Variants in VIM observed in about 807,000 individuals in gnomAD.
The protein encoded by VIM is vimentin, also known as epididymis secretory sperm binding protein.
In VIM, 18 loss-of-function variants were observed where a neutral mutation model predicts 50.3. That is an observed-to-expected ratio of 0.36 (90% CI 0.25 to 0.53). VIM has a LOEUF of 0.53. Ranked by LOEUF, VIM falls within the 20% of genes least tolerant of loss-of-function variation. VIM has a pLI of 0.91. For missense variants in VIM, 551 were observed against 614.7 expected, an observed-to-expected ratio of 0.90 and a Z score of 1.10; for synonymous variants, 245 against 248.5, an observed-to-expected ratio of 0.99 and a Z score of 0.13.
chr10:17,232,500 T>A (rs1472900610), intron 3 of VIM, among the ~76,000 whole-genome samples: 1 of 152,246 alleles, frequency 6.6e-6, no homozygotes, highest in East Asian at 1.9e-4. Flanking sequence ...CCAGTCATTC[T>A]GAAACAGGCT....
At chr10:17,235,432 T>C in intron 7 of VIM, 43 bp downstream of exon 7, 3 of 1,602,738 alleles carry the variant, frequency 1.9e-6, no homozygotes, top group Non-Finnish European at 2.6e-6. Flanking sequence ...TGGTGACCAT[T>C]TGTTAGGCCC....
At position 17,235,164 on chromosome 10, in the gene VIM, T is replaced by C. The variant is rs1446686218; in HGVS notation, c.1009-5T>C. ...AACACCAGACATCTTTCTCACCCCC[T>C]GCAGAATGAGTCCCTGGAACGCCAG... On this transcript the variant is annotated splice_region_variant and splice_polypyrimidine_tract_variant and intron_variant, in intron 6 of 9. Transcript: ENST00000544301. 1 of 1,614,166 alleles carries C rather than the reference T, an allele frequency of 6.2e-7. No homozygotes were observed. The highest frequency in any genetic ancestry group is 2.2e-5 in the East Asian group (1 of 44,886).
intron 5 of VIM, 91 bp downstream of exon 5, chr10:17,234,022 C>T (rs549995160): frequency 6.6e-7 from 1 of 1,526,668 alleles, no homozygotes; most frequent in Non-Finnish European, 8.9e-7. Flanking sequence ...TATCCTCTAG[C>T]TCCAATGCAA....
In VIM at chr10:17,228,337, T is replaced by G. The variant is rs1342812399; in HGVS notation, c.-335T>G. 6.6e-6 allele frequency: 1 copy of G among 152,186 alleles called. No individual in the cohort carries two copies. The highest frequency in any genetic ancestry group is 1.5e-5 in the Non-Finnish European group (1 of 68,054). 9.4% of individuals were successfully genotyped at this position (152,186 alleles called of 1,614,324 possible). A position where few individuals can be genotyped will look rare whatever the true frequency, so the allele number is the denominator to read the frequency against. On this transcript the variant is annotated 5_prime_UTR_variant, in exon 1 of 10. The change creates a new upstream start codon in the 5' untranslated region. Transcript: ENST00000544301. Reference sequence around the variant, plus strand: ...GCAAAGACAGGCTTTAGCGAGTTATTAAAAACTTAGGGGCGCTCTTGTCCC... The same window carrying G: ...GCAAAGACAGGCTTTAGCGAGTTATGAAAAACTTAGGGGCGCTCTTGTCCC...
Position 17,232,867 on chromosome 10 carries a change from T to C in VIM, c.625-720T>C, listed in dbSNP as rs568759925. 7.9e-4 allele frequency among the ~76,000 whole-genome samples: 121 copies of C among 152,364 alleles called. 2 individuals are homozygous for C. The South Asian group carries it at 9.5e-3, about 12-fold the overall frequency. On this transcript the variant is annotated intron_variant, in intron 3 of 9. Coordinates refer to ENST00000544301, the MANE Select transcript of VIM (RefSeq NM_003380.5). ...GAAAATTTGTCCACCTCTATCATCA[T>C]GTTATTCCATGAAATTACAAAACAA...
chr10:17,231,664 C>A (rs913951148), intron 3 of VIM, among the ~76,000 whole-genome samples: 6 of 152,060 alleles, frequency 3.9e-5, no homozygotes, highest in African/African-American at 1.4e-4. Context: ...TTTAAAAGTC[C>A]TTTCTTGATT....
At position 17,237,377 on chromosome 10, in the gene VIM, C is replaced by T. The variant is rs933953860; in HGVS notation, c.*106C>T. 20 of 1,101,644 alleles carry T rather than the reference C, an allele frequency of 1.8e-5. No homozygotes were observed. Among genetic ancestry groups the T allele is most frequent in the East Asian group, 5.1e-5 (2 of 39,408 alleles). 68.2% of individuals were successfully genotyped at this position (1,101,644 alleles called of 1,614,324 possible). On this transcript the variant is annotated 3_prime_UTR_variant, in exon 10 of 10. Transcript: ENST00000544301. ...GTGCCTTTCTGCAGTTTTTCAGGAG[C>T]GCAAGATAGATTTGGAATAGGAATA...
intron 7 of VIM, 35 bp downstream of exon 7, chr10:17,235,424 G>A: frequency 6.2e-7 from 1 of 1,608,726 alleles, no homozygotes; most frequent in Non-Finnish European, 8.5e-7. Context: ...TGAACTAATG[G>A]TGACCATTTG....
intron 2 of VIM, chr10:17,230,341 A>G: frequency 5.3e-6 from 3 of 565,314 alleles, no homozygotes; most frequent in Non-Finnish European, 9.5e-6. Context: ...CAGGCTGCCA[A>G]TCACCGGGCG....
At chr10:17,231,772 TG>T (rs1472986131) in intron 3 of VIM, among the ~76,000 whole-genome samples, 3 of 109,444 alleles carry the variant, frequency 2.7e-5, no homozygotes, top group Non-Finnish European at 3.8e-5. Context: ...TTTTTGTGCG[TG>T]TTTTTTTTTT....
intron 3 of VIM, chr10:17,230,925 C>G: frequency 2.0e-6 from 1 of 508,330 alleles, no homozygotes; most frequent in Non-Finnish European, 3.5e-6. Context: ...TTTTTTGAGA[C>G]GGAGTCTTAC....
At position 17,236,229 on chromosome 10, in the gene VIM, T is replaced by C. The variant is rs1194953641; in HGVS notation, c.1274-65T>C. 2.7e-5 allele frequency: 33 copies of C among 1,211,402 alleles called. 1 individual carries two copies. The South Asian group carries it at 3.9e-4, about 14-fold the overall frequency. 75.0% of individuals were successfully genotyped at this position (1,211,402 alleles called of 1,614,324 possible). ...ACAAATCATAATTGTTTCAGTAAAA[T>C]GGTTACTTGGTTTTTCCAAGAAAAA... On this transcript the variant is annotated intron_variant, in intron 8 of 9. Transcript: ENST00000544301.
Position 17,235,890 on chromosome 10 carries a change from G to T in VIM, c.1273+1G>T, listed in dbSNP as rs112886370. 6.2e-7 allele frequency: 1 copy of T among 1,613,122 alleles called. No homozygotes were observed. Among genetic ancestry groups the T allele is most frequent in the Non-Finnish European group, 8.5e-7 (1 of 1,179,216 alleles). On this transcript the variant is annotated splice_donor_variant, in intron 8 of 9. Coordinates refer to ENST00000544301, the MANE Select transcript of VIM (RefSeq NM_003380.5). LOFTEE classifies it high-confidence loss of function. ...AACTTTTCCTCCCTGAACCTGAGGG[G>T]TAAGCATTTTATTTCCCTTTAGGAA...
At position 17,234,739 on chromosome 10, in the gene VIM, G is replaced by A. The variant is rs780835078; in HGVS notation, c.929G>A (p.Arg310His). 4 of 1,613,980 alleles carry A rather than the reference G, an allele frequency of 2.5e-6. No individual in the cohort carries two copies. Among genetic ancestry groups the A allele is most frequent in the Non-Finnish European group, 3.4e-6 (4 of 1,180,010 alleles). Residue 310 changes from arginine (R) to histidine (H), a missense_variant, in exon 6 of 10, where the codon CGC (arginine) becomes CAC (histidine). By Grantham distance (29) the Arg-to-His change is conservative (BLOSUM62 0). This residue lies in a region of VIM where 394 missense variants were observed against 437.5 expected (regional missense o/e 0.90). Coordinates refer to ENST00000544301, the MANE Select transcript of VIM (RefSeq NM_003380.5). ...GCCAACCGGAACAATGACGCCCTGC[G>A]CCAGGCAAAGCAGGAGTCCACTGAG... ...EAANRNNDAL[R>H]QAKQESTEYR...
intron 6 of VIM, 162 bp downstream of exon 6, chr10:17,234,980 T>C: frequency 3.2e-6 from 4 of 1,255,224 alleles, no homozygotes; most frequent in Non-Finnish European, 4.5e-6. Flanking sequence ...CATGGAACTC[T>C]TGAAGGTTTT....
chr10:17,230,353 G>C (rs1195382038), intron 2 of VIM: 1 of 570,774 alleles, frequency 1.8e-6, no homozygotes, highest in Non-Finnish European at 3.1e-6. Context: ...CACCGGGCGG[G>C]AGAAGGAAGG....
chr10:17,230,014 G>A (rs762085645), intron 2 of VIM, 29 bp downstream of exon 2: 7 of 1,585,342 alleles, frequency 4.4e-6, no homozygotes, highest in Non-Finnish European at 2.6e-6. Context: ...AAGTAGCTGG[G>A]CCTCGGGAGG....
chr10:17,236,059 A>C (rs1846883708), intron 8 of VIM, 170 bp downstream of exon 8: 2 of 762,396 alleles, frequency 2.6e-6, no homozygotes, highest in Admixed American at 4.8e-5. Flanking sequence ...CTATGCTTTA[A>C]GTTAAATGCA....
intron 3 of VIM, 162 bp downstream of exon 3, chr10:17,230,872 A>T: frequency 1.4e-6 from 1 of 697,694 alleles, no homozygotes; most frequent in Non-Finnish European, 2.4e-6. Context: ...GCTTCTCATG[A>T]TTAGAAAAAT....
Sources: gnomAD v4.1 joint callset for allele counts (sites outside exome capture counted in the v4.1 genomes callset) on GRCh38, gnomAD v4.1.1 for gene constraint, gnomAD v4.1.1 regional missense constraint, MANE v1.5 for transcripts, NCBI Gene and HGNC (gene_info 2026-07-23, HGNC 2026-07-21) for gene names.